Variants in FKBP5 observed in about 807,000 individuals in gnomAD.
FKBP5 encodes the protein peptidyl-prolyl cis-trans isomerase FKBP5.
FKBP5 carries 23 observed loss-of-function variants against 50.5 expected under a neutral mutation model. The ratio of observed to expected loss-of-function variants is 0.46; its 90% CI spans 0.33 to 0.65. FKBP5 has a LOEUF of 0.65. Among genes scored for constraint, FKBP5 ranks in the 30% least tolerant of loss-of-function variants. FKBP5 has a pLI of 0.02. For synonymous variants in FKBP5, 176 were observed against 190.6 expected (o/e 0.92, Z 0.63); for missense variants, 411 against 553.1 (o/e 0.74, Z 2.58).
intron 1 of FKBP5, among the ~76,000 whole-genome samples, chr6:35,657,861 C>T (rs79476859): frequency 0.023 from 3,437 of 152,154 alleles, 65 homozygotes; most frequent in Non-Finnish European, 0.034. Flanking sequence ...TAAAATTTAA[C>T]ATTTTATATC....
At chr6:35,584,591 C>A in intron 8 of FKBP5, 4 of 985,438 alleles carry the variant, frequency 4.1e-6, no homozygotes, top group Non-Finnish European at 4.8e-6. Context: ...ATCTACTAAC[C>A]ATTTTGAAGT....
chr6:35,713,604 A>G (rs1766455425), intron 2 of FKBP5, among the ~76,000 whole-genome samples: 1 of 152,048 alleles, frequency 6.6e-6, no homozygotes, highest in Admixed American at 6.5e-5. Context: ...AGGAGGCTGA[A>G]GCTGCTAGCT....
At chr6:35,711,537 G>A (rs1038924185) in intron 2 of FKBP5, among the ~76,000 whole-genome samples, 12 of 151,948 alleles carry the variant, frequency 7.9e-5, no homozygotes, top group Admixed American at 3.3e-4. Context: ...AGAATTGCTC[G>A]AACCCGGGAG....
intron 2 of FKBP5, among the ~76,000 whole-genome samples, chr6:35,712,610 C>T (rs1766434458): frequency 1.3e-5 from 2 of 152,158 alleles, no homozygotes; most frequent in Non-Finnish European, 2.9e-5. Flanking sequence ...TGTCTACCAT[C>T]CTGTCCTAGT....
At chr6:35,727,860 G>A in intron 1 of FKBP5, among the ~76,000 whole-genome samples, 1 of 152,198 alleles carries the variant, frequency 6.6e-6, no homozygotes, top group East Asian at 1.9e-4. Flanking sequence ...TGCTAATCCA[G>A]GCGCCACCCA....
intron 10 of FKBP5, 73 bp from the exon 11 acceptor site, chr6:35,576,015 T>A: frequency 9.5e-7 from 1 of 1,051,002 alleles, no homozygotes; most frequent in East Asian, 2.4e-5. Flanking sequence ...CTCCAGACTG[T>A]GTATCAGGTC....
In FKBP5 at chr6:35,573,593, CA is replaced by C. The variant is rs1762121355; in HGVS notation, c.*2241del. 1 of 151,812 alleles carries C rather than the reference CA, an allele frequency of 6.6e-6. No individual in the cohort carries two copies. The highest frequency in any genetic ancestry group is 1.5e-5 in the Non-Finnish European group (1 of 67,980). The allele number at this position is 151,812 out of a possible 1,614,324, so 9.4% of individuals were successfully genotyped here. On this transcript the variant is annotated 3_prime_UTR_variant, in exon 11 of 11. Coordinates refer to ENST00000357266, the MANE Select transcript of FKBP5 (RefSeq NM_004117.4). ...CAAAACCAAAAACAATGGGAAGTCA[CA>C]TTTTTTTTGGATTTATTTAAAGAAC...
At chr6:35,603,638 A>AT (rs34364427) in intron 5 of FKBP5, among the ~76,000 whole-genome samples, 4,665 of 146,542 alleles carry the variant, frequency 0.032, 146 homozygotes, top group African/African-American at 0.081. Flanking sequence ...ATTGGCTGGA[A>AT]TTTTTTTTTT....
chr6:35,641,678 AC>A (rs1274680423), intron 2 of FKBP5, among the ~76,000 whole-genome samples: 1 of 152,218 alleles, frequency 6.6e-6, no homozygotes, highest in Non-Finnish European at 1.5e-5. Flanking sequence ...AGATATCTTC[AC>A]TGTACACAGG....
At chr6:35,671,722 A>AT (rs1234831355) in intron 1 of FKBP5, among the ~76,000 whole-genome samples, 1 of 152,146 alleles carries the variant, frequency 6.6e-6, no homozygotes, top group Non-Finnish European at 1.5e-5. Flanking sequence ...GTTTTAACAT[A>AT]TTTTTTTCAA....
intron 5 of FKBP5, among the ~76,000 whole-genome samples, chr6:35,600,982 A>G (rs1763129139): frequency 6.6e-6 from 1 of 152,228 alleles, no homozygotes; most frequent in Non-Finnish European, 1.5e-5. Context: ...ACCATGCCAA[A>G]AAAAAGTCAA....
chr6:35,587,266 C>T (rs530764052), intron 7 of FKBP5, 149 bp from the exon 8 acceptor site: 1 of 705,254 alleles, frequency 1.4e-6, no homozygotes, highest in African/African-American at 1.8e-5. Context: ...CAATTTACTG[C>T]TAGGCCAGTG....
intron 7 of FKBP5, among the ~76,000 whole-genome samples, chr6:35,588,022 TA>T (rs1235960453): frequency 2.6e-5 from 4 of 151,422 alleles, no homozygotes; most frequent in Admixed American, 6.6e-5. Context: ...TTATTATTAT[TA>T]TTATTATTAT....
chr6:35,654,805 C>T (rs1764904026), intron 1 of FKBP5, among the ~76,000 whole-genome samples: 1 of 152,068 alleles, frequency 6.6e-6, no homozygotes, highest in African/African-American at 2.4e-5. Flanking sequence ...TATGCATTGC[C>T]TCTTATCTCT....
At chr6:35,581,500 G>C (rs1363427962) in intron 8 of FKBP5, 36 of 824,794 alleles carry the variant, frequency 4.4e-5, no homozygotes, top group Non-Finnish European at 5.3e-5. Context: ...TGAGGCAGGA[G>C]AACTGCTTGA....
chr6:35,640,609 T>C (rs1764458082), intron 2 of FKBP5, among the ~76,000 whole-genome samples: 1 of 152,224 alleles, frequency 6.6e-6, no homozygotes, highest in Admixed American at 6.5e-5. Flanking sequence ...CTTAGCTTAC[T>C]ATAACATTTT....
intron 5 of FKBP5, among the ~76,000 whole-genome samples, chr6:35,603,771 C>T (rs1220487328): frequency 6.6e-6 from 1 of 152,082 alleles, no homozygotes; most frequent in East Asian, 1.9e-4. Context: ...TCACTACAAC[C>T]TTCACTTACT....
At chr6:35,616,603 A>G (rs1362680177) in intron 5 of FKBP5, among the ~76,000 whole-genome samples, 1 of 152,162 alleles carries the variant, frequency 6.6e-6, no homozygotes, top group African/African-American at 2.4e-5. Flanking sequence ...GTTAAAAAAA[A>G]ATTGACTCCC....
At chr6:35,671,038 C>T (rs907485232) in intron 1 of FKBP5, among the ~76,000 whole-genome samples, 2 of 151,786 alleles carry the variant, frequency 1.3e-5, no homozygotes, top group Non-Finnish European at 2.9e-5. Flanking sequence ...GTGAGACGAT[C>T]CCTTGAACCC....
Sources: allele counts gnomAD v4.1 joint callset (sites outside exome capture counted in the v4.1 genomes callset), GRCh38; gene constraint gnomAD v4.1.1; transcripts MANE v1.5; gene names NCBI Gene and HGNC (gene_info 2026-07-23, HGNC 2026-07-21).